Variants in STON2 observed in about 807,000 individuals in gnomAD.
The protein encoded by STON2 is stonin-2.
STON2 carries 29 observed loss-of-function variants against 65.7 expected under a neutral mutation model. That is an observed-to-expected ratio of 0.44 (90% CI 0.33 to 0.60). STON2 has a LOEUF of 0.60. Among genes scored for constraint, STON2 ranks in the 20% least tolerant of loss-of-function variants. The pLI is 0.03. For synonymous variants in STON2, 404 were observed against 414.2 expected, an observed-to-expected ratio of 0.98 and a Z score of 0.30; for missense variants, 1,054 against 1,118.1, an observed-to-expected ratio of 0.94 and a Z score of 0.82.
At chr14:81,366,751 T>C (rs1179686511) in intron 4 of STON2, among the ~76,000 whole-genome samples, 1 of 152,082 alleles carries the variant, frequency 6.6e-6, no homozygotes. Flanking sequence ...ACAGCTTTCT[T>C]TGGGGGTAAC....
At chr14:81,349,671 T>G (rs745479515) in intron 4 of STON2, among the ~76,000 whole-genome samples, 13 of 152,036 alleles carry the variant, frequency 8.6e-5, no homozygotes, top group Non-Finnish European at 1.8e-4. Context: ...AGTGTGGAGA[T>G]TTCTCAAAAA....
intron 4 of STON2, among the ~76,000 whole-genome samples, chr14:81,343,023 A>T (rs1346081941): frequency 6.6e-6 from 1 of 152,144 alleles, no homozygotes; most frequent in Admixed American, 6.5e-5. Flanking sequence ...CATCTCAGGG[A>T]GGGTAGGGCA....
chr14:81,395,693 T>A, intron 3 of STON2: 1 of 596,902 alleles, frequency 1.7e-6, no homozygotes, highest in Non-Finnish European at 3.0e-6. Context: ...CTAGAACACA[T>A]ACATTCTTTT....
At chr14:81,347,902 CAAA>C (rs755109204) in intron 4 of STON2, among the ~76,000 whole-genome samples, 1 of 51,560 alleles carries the variant, frequency 1.9e-5, no homozygotes, top group Non-Finnish European at 3.5e-5. Flanking sequence ...TGTCTCTTAC[CAAA>C]AAAAAAAAAA....
intron 1 of STON2, among the ~76,000 whole-genome samples, chr14:81,430,175 A>G (rs747800290): frequency 6.6e-6 from 1 of 152,120 alleles, no homozygotes; most frequent in African/African-American, 2.4e-5. Context: ...GCCCAGCACA[A>G]TCTGGGAAAG....
At chr14:81,295,264 G>C (rs1895715162) in intron 5 of STON2, among the ~76,000 whole-genome samples, 1 of 152,192 alleles carries the variant, frequency 6.6e-6, no homozygotes, top group African/African-American at 2.4e-5. Flanking sequence ...GGCAGAGGTT[G>C]CAGTGAGCCG....
chr14:81,264,433 C>T lies in STON2; in HGVS notation c.*3981G>A. The T allele has an allele frequency of 4.1e-6, 4 of 985,416 alleles. No homozygotes were observed. In the South Asian group the frequency reaches 1.9e-4, roughly 46 times the overall value. 61.0% of individuals were successfully genotyped at this position (985,416 alleles called of 1,614,324 possible). A position where few individuals can be genotyped will look rare whatever the true frequency, so the allele number is the denominator to read the frequency against. ...TCAGCAAACATTTATTGAATACATA[C>T]TCATTTTCCTTTATTTCATGAGTAT... On this transcript the variant is annotated 3_prime_UTR_variant, in exon 8 of 8. Transcript: ENST00000614646.
chr14:81,273,394 G>A (rs1047770878), intron 6 of STON2, among the ~76,000 whole-genome samples: 25 of 152,206 alleles, frequency 1.6e-4, no homozygotes, highest in African/African-American at 5.8e-4. Context: ...CCCATACAAG[G>A]ATGAACATAT....
chr14:81,311,500 C>A (rs1340780999), intron 5 of STON2, among the ~76,000 whole-genome samples: 2 of 152,196 alleles, frequency 1.3e-5, no homozygotes, highest in African/African-American at 4.8e-5. Context: ...GAGCCAGGTA[C>A]TGTACAAAAG....
intron 4 of STON2, among the ~76,000 whole-genome samples, chr14:81,324,779 T>A (rs1175464338): frequency 6.6e-6 from 1 of 152,252 alleles, no homozygotes. Context: ...ACTTATTTGA[T>A]AGCCTGACCT....
At position 81,264,586 on chromosome 14, in the gene STON2, A is replaced by G. The variant is rs1306332063; in HGVS notation, c.*3828T>C. The G allele has an allele frequency of 6.9e-5, 68 of 984,452 alleles. No homozygotes were observed. Among genetic ancestry groups the G allele is most frequent in the Middle Eastern group, 5.2e-4 (1 of 1,934 alleles). 61.0% of individuals were successfully genotyped at this position (984,452 alleles called of 1,614,324 possible). ...TTCATGGATCCCATTTATCAGAAAC[A>G]TAAGTTTCTAGGGAAATAAACTCTT... On this transcript the variant is annotated 3_prime_UTR_variant, in exon 8 of 8. Coordinates refer to ENST00000614646, the MANE Select transcript of STON2 (RefSeq NM_001394390.1).
At chr14:81,365,860 AT>A (rs1251214828) in intron 4 of STON2, among the ~76,000 whole-genome samples, 3 of 152,226 alleles carry the variant, frequency 2.0e-5, no homozygotes, top group Admixed American at 2.0e-4. Context: ...CCTGGTTGGA[AT>A]GAACTTCAAA....
chr14:81,409,214 G>A (rs112061659), intron 2 of STON2, among the ~76,000 whole-genome samples: 12 of 152,120 alleles, frequency 7.9e-5, no homozygotes, highest in African/African-American at 2.9e-4. Flanking sequence ...TGACCAGACT[G>A]GCCAACATGG....
At chr14:81,426,484 T>G (rs1214193485) in intron 2 of STON2, among the ~76,000 whole-genome samples, 2 of 152,184 alleles carry the variant, frequency 1.3e-5, no homozygotes, top group Non-Finnish European at 2.9e-5. Context: ...CCCACACAGA[T>G]GCTTCCAGCC....
rs559384117 is a variant in STON2 at position 81,410,298 on chromosome 14, A to C, written c.-198-11718T>G. 2.7e-5 allele frequency among the ~76,000 whole-genome samples: 4 copies of C among 150,758 alleles called. No individual in the cohort carries two copies. In the South Asian group the frequency reaches 8.4e-4, roughly 32 times the overall value. ...CTAACCAAAAAAAAAAAAAAAAAAA[A>C]AAAAAAAAACAGAAGAGATCAATGT... On this transcript the variant is annotated intron_variant, in intron 2 of 8. Transcript: ENST00000553821.
intron 5 of STON2, among the ~76,000 whole-genome samples, chr14:81,316,579 C>T (rs1896628858): frequency 6.6e-6 from 1 of 152,188 alleles, no homozygotes; most frequent in African/African-American, 2.4e-5. Flanking sequence ...AGATAGGTGG[C>T]TAATCTCAGT....
intron 5 of STON2, among the ~76,000 whole-genome samples, chr14:81,321,051 G>A (rs1896804053): frequency 1.3e-5 from 2 of 152,108 alleles, no homozygotes; most frequent in South Asian, 4.1e-4. Context: ...TGACCACTTA[G>A]AAAACGCACT....
chr14:81,389,635 C>T (rs1899984989), intron 3 of STON2, among the ~76,000 whole-genome samples: 1 of 152,196 alleles, frequency 6.6e-6, no homozygotes, highest in Admixed American at 6.5e-5. Flanking sequence ...CTACTTGGCC[C>T]ACAGCTAGGT....
At position 81,394,095 on chromosome 14, in the gene STON2, A is replaced by G. The variant is rs1210082070; in HGVS notation, c.373+1799T>C. On this transcript the variant is annotated intron_variant, in intron 3 of 7. Transcript: ENST00000614646. Reference sequence around the variant, plus strand: ...AATCCCAGCTACTCAGGAGGCTGAGACCTGAGAATTGCTTGAACCTCAGGG... The same window carrying G: ...AATCCCAGCTACTCAGGAGGCTGAGGCCTGAGAATTGCTTGAACCTCAGGG... Among the ~76,000 whole-genome samples, 3 of 152,152 alleles carry G rather than the reference A, an allele frequency of 2.0e-5. No homozygotes were observed. The East Asian group carries it at 5.8e-4, about 29-fold the overall frequency.
Sources: allele counts gnomAD v4.1 joint callset (sites outside exome capture counted in the v4.1 genomes callset), GRCh38; gene constraint gnomAD v4.1.1; transcripts MANE v1.5; gene names NCBI Gene and HGNC (gene_info 2026-07-23, HGNC 2026-07-21).